ATP5PO: variants seen among roughly 807,000 people sequenced by gnomAD.
The protein encoded by ATP5PO is ATP synthase peripheral stalk subunit OSCP, also known as ATP synthase peripheral stalk subunit OSCP, mitochondrial.
ATP5PO carries 14 observed loss-of-function variants against 26.2 expected under a neutral mutation model. That is an observed-to-expected ratio of 0.53 (90% CI 0.35 to 0.83). The LOEUF is 0.83. Ranked by LOEUF, ATP5PO falls within the 40% of genes least tolerant of loss-of-function variation. The probability of loss-of-function intolerance (pLI) is 0.01; values close to 1 mark genes in which losing one functional copy is unlikely to be tolerated. For missense variants in ATP5PO, 241 were observed against 258.5 expected, an observed-to-expected ratio of 0.93 and a Z score of 0.46; for synonymous variants, 106 against 95.1, an observed-to-expected ratio of 1.12 and a Z score of -0.67.
intron 5 of ATP5PO, among the ~76,000 whole-genome samples, chr21:33,905,306 TTTCATGCCTACTATCTCCC>T (rs1987155538): frequency 6.6e-6 from 1 of 152,024 alleles, no homozygotes; most frequent in Non-Finnish European, 1.5e-5. Context: ...GCCAGGCACA[TTTCATGCCTACTATCTCCC>T]TTCATGTGGG....
rs760629150 is a variant in ATP5PO at position 33,915,773 on chromosome 21, G to A, written c.-10C>T. 3 of 1,566,962 alleles carry A rather than the reference G, an allele frequency of 1.9e-6. No individual in the cohort carries two copies. The highest frequency in any genetic ancestry group is 2.6e-6 in the Non-Finnish European group (3 of 1,156,758). On this transcript the variant is annotated 5_prime_UTR_variant, in exon 1 of 7. Coordinates refer to ENST00000290299, the MANE Select transcript of ATP5PO (RefSeq NM_001697.3). ...CTGCTGGGGCAGCCATCTTCTCCCGGGCGGCTGTAGGTCAAACCCGAGTGG... is the reference window on the plus strand; with the variant it reads ...CTGCTGGGGCAGCCATCTTCTCCCGAGCGGCTGTAGGTCAAACCCGAGTGG...
At chr21:33,909,002 C>G in intron 4 of ATP5PO, 80 bp downstream of exon 4, 2 of 1,424,568 alleles carry the variant, frequency 1.4e-6, no homozygotes, top group Non-Finnish European at 1.9e-6. Context: ...CCAGGTGATG[C>G]TGATGCCGCC....
intron 1 of ATP5PO, 66 bp downstream of exon 1, chr21:33,915,662 G>A: frequency 6.5e-7 from 1 of 1,537,932 alleles, no homozygotes; most frequent in South Asian, 1.2e-5. Context: ...CCTGGTGCTC[G>A]AGGTTTGGTA....
intron 4 of ATP5PO, 114 bp from the exon 5 acceptor site, chr21:33,907,567 A>G: frequency 3.7e-6 from 3 of 809,622 alleles, no homozygotes; most frequent in Non-Finnish European, 6.0e-6. Context: ...AACACCATAT[A>G]CAGGGGCGCA....
intron 3 of ATP5PO, among the ~76,000 whole-genome samples, chr21:33,911,297 C>A (rs1266750262): frequency 6.6e-6 from 1 of 152,126 alleles, no homozygotes; most frequent in African/African-American, 2.4e-5. Context: ...AAGTAAAAAA[C>A]ATCTTGCAGC....
At chr21:33,910,704 C>A (rs1228306219) in intron 3 of ATP5PO, among the ~76,000 whole-genome samples, 2 of 152,172 alleles carry the variant, frequency 1.3e-5, no homozygotes, top group African/African-American at 2.4e-5. Flanking sequence ...GCCCTTCCCC[C>A]AAATGTCTCC....
At position 33,903,922 on chromosome 21, in the gene ATP5PO, A is replaced by G; in HGVS notation, c.528+13T>C. 1 of 1,591,444 alleles carries G rather than the reference A, an allele frequency of 6.3e-7. No individual in the cohort carries two copies. Among genetic ancestry groups the G allele is most frequent in the Non-Finnish European group, 8.6e-7 (1 of 1,166,230 alleles). On this transcript the variant is annotated intron_variant, in intron 6 of 6. Transcript: ENST00000290299. ...AACCCGAGAAAACGTACCATAAATA[A>G]TTTAAAACCTACCTTAGCCTCCAAT...
chr21:33,905,997 G>T (rs1987167400), intron 5 of ATP5PO, among the ~76,000 whole-genome samples: 1 of 151,260 alleles, frequency 6.6e-6, no homozygotes, highest in Non-Finnish European at 1.5e-5. Context: ...CATGATGGGT[G>T]ACCGTGGGGC....
At chr21:33,904,086 C>A (rs1987138087) in intron 5 of ATP5PO, 65 bp from the exon 6 acceptor site, 3 of 1,412,870 alleles carry the variant, frequency 2.1e-6, no homozygotes, top group Non-Finnish European at 2.9e-6. Context: ...AGTTAAAATA[C>A]CCCAGGCCCA....
At chr21:33,911,429 A>C (rs1259589915) in intron 3 of ATP5PO, among the ~76,000 whole-genome samples, 2 of 152,152 alleles carry the variant, frequency 1.3e-5, no homozygotes, top group Non-Finnish European at 2.9e-5. Context: ...GGAACAAAAT[A>C]ATTAAGAGGT....
At chr21:33,906,204 A>G (rs1569365930) in intron 5 of ATP5PO, among the ~76,000 whole-genome samples, 4 of 152,150 alleles carry the variant, frequency 2.6e-5, no homozygotes, top group Non-Finnish European at 2.9e-5. Flanking sequence ...AGAAGGTTAG[A>G]CTGTCCTTTA....
intron 6 of ATP5PO, 138 bp from the exon 7 acceptor site, chr21:33,903,777 GCA>G (rs1317294475): frequency 5.2e-5 from 57 of 1,094,344 alleles, no homozygotes; most frequent in Middle Eastern, 2.1e-4. Context: ...AAGTAAAACT[GCA>G]CAGTCAGATA....
chr21:33,907,370 C>A lies in ATP5PO; in HGVS notation c.412G>T (p.Glu138Ter). The change falls in exon 5 of 7, where the codon GAG becomes TAG. Residue 138 changes from glutamate to a stop codon, truncating the protein, a stop_gained. Transcript: ENST00000290299. LOFTEE classifies it high-confidence loss of function. ...FSTMMSVHRGEVPCTVTSASP... is the reference protein window; with the variant it reads ...FSTMMSVHRG ...GCAGAGGTCACTGTGCAAGGTACCT[C>A]TCCGCGATGGACACTCATCATGGTA... 1 of 1,614,120 alleles carries A rather than the reference C, an allele frequency of 6.2e-7. No individual in the cohort carries two copies. Among genetic ancestry groups the A allele is most frequent in the Non-Finnish European group, 8.5e-7 (1 of 1,179,970 alleles).
chr21:33,912,842 T>A (rs890120235), intron 2 of ATP5PO, among the ~76,000 whole-genome samples: 1 of 152,270 alleles, frequency 6.6e-6, no homozygotes, highest in Admixed American at 6.5e-5. Flanking sequence ...TATACTTTTA[T>A]ACATTTCATA....
rs1200092273 is a variant in ATP5PO at position 33,903,944 on chromosome 21, C to T, written c.519G>A (p.Leu173=). ...ATAATTTAAAACCTACCTTAGCCTC[C>T]AATTTCAATACTTGGCCTTGACTTA... ...SFLSQGQVLK[L]EAKTDPSILG... The change falls in exon 6 of 7, where the codon TTG becomes TTA. Residue 173 remains leucine, a synonymous_variant. Coordinates refer to ENST00000290299, the MANE Select transcript of ATP5PO (RefSeq NM_001697.3). 6.2e-7 allele frequency: 1 copy of T among 1,609,402 alleles called. No homozygotes were observed. The highest frequency in any genetic ancestry group is 1.1e-5 in the South Asian group (1 of 90,116).
At chr21:33,910,837 C>T (rs1569367278) in intron 3 of ATP5PO, among the ~76,000 whole-genome samples, 1 of 152,298 alleles carries the variant, frequency 6.6e-6, no homozygotes, top group East Asian at 1.9e-4. Flanking sequence ...TAAAATTATT[C>T]TGCCTGTTAA....
chr21:33,911,662 G>GTTTTTTTTTTTTTTTTTTTTTTTTTT (rs58774588), intron 3 of ATP5PO, among the ~76,000 whole-genome samples: 3 of 92,080 alleles, frequency 3.3e-5, no homozygotes, highest in African/African-American at 4.1e-5. Flanking sequence ...ATAAGCATAG[G>GTTTTTTTTTTTTTTTTTTTTTTTTTT]TTTTTTTTTT....
chr21:33,913,934 T>C (rs1987280997), intron 2 of ATP5PO, among the ~76,000 whole-genome samples: 1 of 152,100 alleles, frequency 6.6e-6, no homozygotes, highest in African/African-American at 2.4e-5. Flanking sequence ...CATGCGCCAC[T>C]ATGCCTGGCT....
chr21:33,906,064 GCTCCCTGC>G (rs1987168298), intron 5 of ATP5PO, among the ~76,000 whole-genome samples: 1 of 152,132 alleles, frequency 6.6e-6, no homozygotes, highest in Non-Finnish European at 1.5e-5. Context: ...GCCACAGAGG[GCTCCCTGC>G]CTATGTCTGA....
Sources: allele counts gnomAD v4.1 joint callset (sites outside exome capture counted in the v4.1 genomes callset), GRCh38; gene constraint gnomAD v4.1.1; transcripts MANE v1.5; gene names NCBI Gene and HGNC (gene_info 2026-07-23, HGNC 2026-07-21).